The following HHLA1 variants were observed in gnomAD, a reference collection of about 807,000 sequenced individuals.
HHLA1 encodes the protein HERV-H LTR-associating protein 1.
Under a neutral mutation model 69.9 loss-of-function variants are expected in HHLA1, and 72 were observed. The ratio of observed to expected loss-of-function variants is 1.03; its 90% CI spans 0.85 to 1.25. HHLA1 has a LOEUF of 1.25. Among genes scored for constraint, HHLA1 ranks in the 50% most tolerant of loss-of-function variants. HHLA1 has a pLI of 0.00. For synonymous variants in HHLA1, 252 were observed against 233.2 expected (o/e 1.08, Z -0.73); for missense variants, 685 against 642.2 (o/e 1.07, Z -0.72).
At chr8:132,081,068 C>T (rs1823745316) in intron 10 of HHLA1, 1 of 152,082 alleles carries the variant, frequency 6.6e-6, no homozygotes, top group South Asian at 2.1e-4. Flanking sequence ...CATAGTCCTG[C>T]CAGCAAAGAT....
rs1008476860 is a variant in HHLA1, at chr8:132,062,808, A to G, written c.*1187T>C. On this transcript the variant is annotated 3_prime_UTR_variant, in exon 17 of 17. Coordinates refer to ENST00000414222, the MANE Select transcript of HHLA1 (RefSeq NM_001145095.3). Reference sequence around the variant, plus strand: ...GATGAGCTCAAATCCTGCACCTTTCAGAGGAACATCTGGTCCTTGACCAGC... The same window carrying G: ...GATGAGCTCAAATCCTGCACCTTTCGGAGGAACATCTGGTCCTTGACCAGC... 1 of 152,232 alleles carries G rather than the reference A, an allele frequency of 6.6e-6. No homozygotes were observed. Among genetic ancestry groups the G allele is most frequent in the Non-Finnish European group, 1.5e-5 (1 of 68,048 alleles). The allele number at this position is 152,232 out of a possible 1,614,324, so 9.4% of individuals were successfully genotyped here.
At chr8:132,081,924 C>G (rs948358542) in intron 10 of HHLA1, among the ~76,000 whole-genome samples, 1 of 152,086 alleles carries the variant, frequency 6.6e-6, no homozygotes, top group African/African-American at 2.4e-5. Flanking sequence ...GTGGCTTGTA[C>G]TATAGTATAA....
At chr8:132,077,703 T>C (rs1183377013) in intron 12 of HHLA1, 23 bp downstream of exon 12, 1 of 1,548,298 alleles carries the variant, frequency 6.5e-7, no homozygotes. Flanking sequence ...ACGGGAGAGG[T>C]AGAAGTGAGC....
chr8:132,099,115 A>G (rs1342740057), intron 4 of HHLA1, among the ~76,000 whole-genome samples, 153 bp from the exon 5 acceptor site: 1 of 152,236 alleles, frequency 6.6e-6, no homozygotes, highest in East Asian at 1.9e-4. Context: ...AGTTAAGTTA[A>G]GAGGAGGGTC....
In HHLA1 at chr8:132,063,927, G is replaced by T. The variant is rs1823392954; in HGVS notation, c.*68C>A. ...AATTCTTCAAATGTAGCCCACTTGG[G>T]ACAAGAGCCAGGGTGGATGGCGTAT... On this transcript the variant is annotated 3_prime_UTR_variant, in exon 17 of 17. Coordinates refer to ENST00000414222, the MANE Select transcript of HHLA1 (RefSeq NM_001145095.3). 1.2e-6 allele frequency: 1 copy of T among 834,168 alleles called. No homozygotes were observed. The highest frequency in any genetic ancestry group is 1.8e-5 in the African/African-American group (1 of 56,510). The allele number at this position is 834,168 out of a possible 1,614,324, so 51.7% of individuals were successfully genotyped here.
At chr8:132,081,481 C>T (rs1182069251) in intron 10 of HHLA1, among the ~76,000 whole-genome samples, 1 of 152,128 alleles carries the variant, frequency 6.6e-6, no homozygotes, top group Non-Finnish European at 1.5e-5. Flanking sequence ...AGACGGAGGA[C>T]CGTAAGGGAT....
chr8:132,110,764 C>A (rs762148565), intron 1 of HHLA1, among the ~76,000 whole-genome samples: 5 of 152,138 alleles, frequency 3.3e-5, no homozygotes, highest in South Asian at 2.1e-4. Flanking sequence ...ACTCTTTTAT[C>A]CTCATTCCAA....
Position 132,063,781 on chromosome 8 carries a change from C to T in HHLA1, c.*214G>A, listed in dbSNP as rs2130871584. ...TGGCATTACTGTATTAATTGTGAGG[C>T]CTCTAACAAGAAAACTTCTACCTTC... On this transcript the variant is annotated 3_prime_UTR_variant, in exon 17 of 17. Coordinates refer to ENST00000414222, the MANE Select transcript of HHLA1 (RefSeq NM_001145095.3). The T allele has an allele frequency of 9.3e-6, 2 of 216,098 alleles. No individual in the cohort carries two copies. The highest frequency in any genetic ancestry group is 9.6e-5 in the East Asian group (1 of 10,366). 13.4% of individuals were successfully genotyped at this position (216,098 alleles called of 1,614,324 possible).
intron 1 of HHLA1, among the ~76,000 whole-genome samples, chr8:132,107,590 G>A (rs945496617): frequency 1.7e-4 from 26 of 152,218 alleles, no homozygotes; most frequent in African/African-American, 6.0e-4. Flanking sequence ...ATGAGCCACC[G>A]CGCTTGGCCG....
Position 132,077,845 on chromosome 8 carries a change from C to G in HHLA1, c.1052G>C (p.Arg351Pro), listed in dbSNP as rs192941170. The part of the protein sequence containing the change: ...KKPGGSLWET[R>P]SSPPTTAGTE... ...CCCTGCAGTAGTCGGTGGGGAAGAA[C>G]GAGTTTCCCAGAGAGACCCTCCAGG... The change falls in exon 12 of 17, where the codon CGT becomes CCT. Residue 351 changes from arginine to proline, a missense_variant. Transcript: ENST00000414222. The G allele has an allele frequency of 1.9e-6, 3 of 1,551,328 alleles. No homozygotes were observed. Among genetic ancestry groups the G allele is most frequent in the African/African-American group, 2.7e-5 (2 of 72,942 alleles).
At chr8:132,080,279 G>A (rs1823727414) in intron 10 of HHLA1, 2 of 406,680 alleles carry the variant, frequency 4.9e-6, no homozygotes, top group African/African-American at 4.1e-5. Flanking sequence ...CAGGCTTTGT[G>A]TGAGCAATAA....
intron 16 of HHLA1, 76 bp downstream of exon 16, chr8:132,065,810 A>T: frequency 1.4e-5 from 9 of 622,692 alleles, no homozygotes; most frequent in South Asian, 1.4e-4. Flanking sequence ...ACATCTGGGA[A>T]TCACTCAGAT....
chr8:132,080,082 TA>T, intron 10 of HHLA1, 116 bp from the exon 11 acceptor site: 1 of 1,347,444 alleles, frequency 7.4e-7, no homozygotes, highest in South Asian at 1.3e-5. Context: ...TTTCTCTAAT[TA>T]AAAGTATCAG....
Position 132,077,929 on chromosome 8 carries a change from C to T in HHLA1, c.968G>A (p.Arg323Lys). The T allele has an allele frequency of 6.4e-7, 1 of 1,551,654 alleles. No homozygotes were observed. ...GGACGATATGGAAGCCCACGTCTGTCTGTCAGCTGTCAACCACTGAGTTCT... is the reference window on the plus strand; with the variant it reads ...GGACGATATGGAAGCCCACGTCTGTTTGTCAGCTGTCAACCACTGAGTTCT... Reference protein sequence around the residue: ...VARTQWLTADRQTWASISSVP... With the variant: ...VARTQWLTADKQTWASISSVP... The change falls in exon 12 of 17, where the codon AGA (arginine) becomes AAA (lysine). Residue 323 changes from arginine to lysine, a missense_variant. Arg to Lys is a conservative substitution (Grantham distance 26). Transcript: ENST00000414222.
chr8:132,097,085 G>A (rs569109309), intron 5 of HHLA1, among the ~76,000 whole-genome samples: 5 of 152,182 alleles, frequency 3.3e-5, no homozygotes, highest in Admixed American at 6.5e-5. Context: ...ATTCCCCCTC[G>A]GCTCTCTGGC....
chr8:132,081,399 CT>C (rs1342699057), intron 10 of HHLA1, among the ~76,000 whole-genome samples: 1 of 152,100 alleles, frequency 6.6e-6, no homozygotes, highest in Admixed American at 6.5e-5. Flanking sequence ...TTGTCCAGTC[CT>C]TTTTAAGTTG....
At chr8:132,099,012 GAA>G in intron 4 of HHLA1, 50 bp from the exon 5 acceptor site, 1 of 1,351,200 alleles carries the variant, frequency 7.4e-7, no homozygotes, top group Non-Finnish European at 1.0e-6. Flanking sequence ...CTCGGCAAGA[GAA>G]AAAGTTTCTC....
chr8:132,104,872 G>T (rs976506018), intron 2 of HHLA1, among the ~76,000 whole-genome samples: 10 of 152,162 alleles, frequency 6.6e-5, no homozygotes, highest in African/African-American at 2.4e-4. Flanking sequence ...CACTCAGGCT[G>T]ATTGGTGGTG....
chr8:132,071,153 A>G (rs1437316851), intron 15 of HHLA1, among the ~76,000 whole-genome samples, 187 bp downstream of exon 15: 2 of 152,192 alleles, frequency 1.3e-5, no homozygotes, highest in Non-Finnish European at 2.9e-5. Flanking sequence ...ATGAGATTCC[A>G]TCATGAATCT....
Sources: gnomAD v4.1 joint callset for allele counts (sites outside exome capture counted in the v4.1 genomes callset) on GRCh38, gnomAD v4.1.1 for gene constraint, MANE v1.5 for transcripts, NCBI Gene and HGNC (gene_info 2026-07-23, HGNC 2026-07-21) for gene names.